Variants in SPATC1 observed in about 807,000 individuals in gnomAD.
The protein encoded by SPATC1 is speriolin.
In SPATC1, 35 loss-of-function variants were observed where a neutral mutation model predicts 36.5. The ratio of observed to expected loss-of-function variants is 0.96; its 90% CI spans 0.73 to 1.27. The LOEUF is 1.27. SPATC1 is among the 50% of genes most tolerant of loss of function. The pLI, the probability that SPATC1 is intolerant of heterozygous loss-of-function variation, is 0.00. For missense variants in SPATC1, 779 were observed against 796.0 expected (o/e 0.98, Z 0.26); for synonymous variants, 361 against 353.6 (o/e 1.02, Z -0.24).
At chr8:144,041,948 T>C (rs1175341537) in intron 4 of SPATC1, 1 of 985,100 alleles carries the variant, frequency 1.0e-6, no homozygotes, top group Non-Finnish European at 1.2e-6. Context: ...CTTGGGTTAG[T>C]TTTGTGTGTG....
intron 4 of SPATC1, among the ~76,000 whole-genome samples, chr8:144,042,247 T>C (rs1207295972): frequency 8.0e-5 from 11 of 138,150 alleles, no homozygotes; most frequent in African/African-American, 2.5e-4. Context: ...GCCTGTCAAG[T>C]AGCTGGGACC....
intron 4 of SPATC1, among the ~76,000 whole-genome samples, chr8:144,044,935 C>T (rs955390451): frequency 3.9e-5 from 6 of 152,170 alleles, no homozygotes; most frequent in South Asian, 2.1e-4. Flanking sequence ...GGCAACACAG[C>T]GAGACTCCGT....
Position 144,041,302 on chromosome 8 carries a change from C to CAA in SPATC1, c.1378_1379insAA (p.Ser460LysfsTer27). 1 of 1,613,204 alleles carries CAA rather than the reference C, an allele frequency of 6.2e-7. No homozygotes were observed. Among genetic ancestry groups the CAA allele is most frequent in the Non-Finnish European group, 8.5e-7 (1 of 1,179,998 alleles). On this transcript the variant is annotated frameshift_variant, in exon 4 of 5. Coordinates refer to ENST00000377470, the MANE Select transcript of SPATC1 (RefSeq NM_198572.3). LOFTEE classifies it high-confidence loss of function. The stretch of plus-strand genomic sequence containing the variant: ...TCCAGCTGGACCGCAGGATCCTGTC[C>CAA]AGCATCTTCCCAGAGCGCGTACGGC...
intron 1 of SPATC1, among the ~76,000 whole-genome samples, chr8:144,039,216 C>T (rs1236438525): frequency 1.3e-5 from 2 of 152,186 alleles, no homozygotes; most frequent in Non-Finnish European, 2.9e-5. Flanking sequence ...GGGGCTTCTC[C>T]CCGAAACAGT....
intron 1 of SPATC1, among the ~76,000 whole-genome samples, chr8:144,023,405 TCTCTGAAAACCCTCCC>T (rs1834594173): frequency 7.9e-5 from 1 of 12,630 alleles, no homozygotes; most frequent in Non-Finnish European, 1.9e-4. Context: ...AGGACCCTCT[TCTCTGAAAACCCTCCC>T]CCCTCAGGAC....
In SPATC1 at chr8:144,040,054, C is replaced by T. The variant is rs781970382; in HGVS notation, c.357C>T (p.Gly119=). 3 of 1,613,434 alleles carry T rather than the reference C, an allele frequency of 1.9e-6. No individual in the cohort carries two copies. The highest frequency in any genetic ancestry group is 2.5e-6 in the Non-Finnish European group (3 of 1,179,972). ...TPGSLMSPLT[G]TLSTLLSGPA... ...GCTCACTCATGAGCCCCCTGACAGG[C>T]ACCCTCAGCACGCTGCTGTCTGGCC... The change falls in exon 2 of 5, where the codon GGC becomes GGT. Residue 119 remains glycine (G), a synonymous_variant. Transcript: ENST00000377470.
At chr8:144,037,163 C>A (rs1468976433) in intron 1 of SPATC1, among the ~76,000 whole-genome samples, 1 of 131,784 alleles carries the variant, frequency 7.6e-6, no homozygotes, top group African/African-American at 3.1e-5. Context: ...CAGCCCCCCA[C>A]CCAGCCGGCC....
chr8:144,036,103 C>A (rs1247456383), intron 1 of SPATC1, among the ~76,000 whole-genome samples: 2 of 152,078 alleles, frequency 1.3e-5, no homozygotes, highest in African/African-American at 4.8e-5. Flanking sequence ...TCTAAAAAGT[C>A]AGAACAAGAA....
At chr8:144,035,517 C>T (rs922028871) in intron 1 of SPATC1, among the ~76,000 whole-genome samples, 11 of 152,234 alleles carry the variant, frequency 7.2e-5, no homozygotes, top group Non-Finnish European at 1.6e-4. Flanking sequence ...CTGCTTTATA[C>T]ATTTTGGTGT....
chr8:144,041,312 C>T lies in SPATC1; in HGVS notation c.1387C>T (p.Pro463Ser), dbSNP rs1401203707. The change falls in exon 4 of 5, where the codon CCA (proline) becomes TCA (serine). Residue 463 changes from proline to serine, a missense_variant. By Grantham distance (74) the Pro-to-Ser change is moderately conservative (BLOSUM62 -1). Coordinates refer to ENST00000377470, the MANE Select transcript of SPATC1 (RefSeq NM_198572.3). ...LDRRILSSIF[P>S]ERVRLYGFTV... ...CCGCAGGATCCTGTCCAGCATCTTC[C>T]CAGAGCGCGTACGGCTCTACGGCTT... The T allele has an allele frequency of 1.2e-6, 2 of 1,612,996 alleles. No individual in the cohort carries two copies. The highest frequency in any genetic ancestry group is 1.3e-5 in the African/African-American group (1 of 74,950).
At chr8:144,024,425 A>C (rs1186595784) in intron 1 of SPATC1, among the ~76,000 whole-genome samples, 24 of 56,588 alleles carry the variant, frequency 4.2e-4, no homozygotes, top group Non-Finnish European at 5.6e-4. Context: ...TCAGGACCCT[A>C]TTCCCTTAGG....
chr8:144,035,615 C>G (rs1056645801), intron 1 of SPATC1, among the ~76,000 whole-genome samples: 2 of 152,234 alleles, frequency 1.3e-5, no homozygotes, highest in African/African-American at 4.8e-5. Context: ...AAAAACAGAC[C>G]GGGCCATTTC....
Position 144,041,490 on chromosome 8 carries a change from A to C in SPATC1, c.1446+119A>C, listed in dbSNP as rs567120050. On this transcript the variant is annotated intron_variant, in intron 4 of 4. Transcript: ENST00000377470. ...ACCTGAGGAGTCCCTGGGATAGAGGAAGCTGACTGCTCAGTGCCAACGGCC... is the reference window on the plus strand; with the variant it reads ...ACCTGAGGAGTCCCTGGGATAGAGGCAGCTGACTGCTCAGTGCCAACGGCC... 362 of 1,305,898 alleles carry C rather than the reference A, an allele frequency of 2.8e-4. 5 individuals carry two copies. In the South Asian group the frequency reaches 4.8e-3, roughly 17 times the overall value. 80.9% of individuals were successfully genotyped at this position (1,305,898 alleles called of 1,614,324 possible). A position where few individuals can be genotyped will look rare whatever the true frequency, so the allele number is the denominator to read the frequency against.
rs115728822 is a variant in SPATC1 at position 144,016,387 on chromosome 8, G to A, written c.211+3661G>A. The stretch of plus-strand genomic sequence containing the variant: ...TGTGTGTGTGTGTGAATGTATGTGA[G>A]AGTGTATGTGGTATGTATGTGTTAT... On this transcript the variant is annotated intron_variant, in intron 1 of 4. Coordinates refer to ENST00000377470, the MANE Select transcript of SPATC1 (RefSeq NM_198572.3). This position sits in a 1 kb window ranked among gnomAD's most constrained non-coding sequence, Gnocchi z 4.5. 0.014 allele frequency among the ~76,000 whole-genome samples: 2,092 copies of A among 152,124 alleles called. 48 individuals are homozygous for A. The highest frequency in any genetic ancestry group is 0.047 in the African/African-American group (1,935 of 41,500).
intron 1 of SPATC1, among the ~76,000 whole-genome samples, chr8:144,023,878 CCTCAGAAAGCTCTTCT>C (rs1188072511): frequency 2.0e-5 from 3 of 150,464 alleles, no homozygotes; most frequent in Non-Finnish European, 3.0e-5. Context: ...GACCCTCTCC[CCTCAGAAAGCTCTTCT>C]CTCAGAACCC....
intron 1 of SPATC1, among the ~76,000 whole-genome samples, chr8:144,020,954 C>T (rs1834511940): frequency 6.9e-6 from 1 of 145,102 alleles, no homozygotes; most frequent in Non-Finnish European, 1.5e-5. Flanking sequence ...GTACCTCTAC[C>T]CTCAGTACTT....
intron 1 of SPATC1, among the ~76,000 whole-genome samples, chr8:144,027,351 C>G (rs1325622311): frequency 6.6e-6 from 1 of 152,182 alleles, no homozygotes; most frequent in Non-Finnish European, 1.5e-5. Flanking sequence ...TATAGTCCCT[C>G]CTCAAATATA....
At chr8:144,028,553 A>G (rs1224141891) in intron 1 of SPATC1, among the ~76,000 whole-genome samples, 3 of 152,224 alleles carry the variant, frequency 2.0e-5, no homozygotes. Flanking sequence ...TCAAGAAACA[A>G]CAGATGCTGA....
chr8:144,014,980 G>A (rs1834353728), intron 1 of SPATC1, among the ~76,000 whole-genome samples: 1 of 152,206 alleles, frequency 6.6e-6, no homozygotes, highest in Non-Finnish European at 1.5e-5. Context: ...CTAGGAGTTA[G>A]CGTTTCTCAC....
Sources: allele counts gnomAD v4.1 joint callset (sites outside exome capture counted in the v4.1 genomes callset), GRCh38; gene constraint gnomAD v4.1.1; non-coding constraint Gnocchi (gnomAD v3.1); transcripts MANE v1.5; gene names NCBI Gene and HGNC (gene_info 2026-07-23, HGNC 2026-07-21).